Variants in PRSS8 observed in about 807,000 individuals in gnomAD.
PRSS8 encodes serine protease 8.
A neutral mutation model predicts 26.7 loss-of-function variants in PRSS8; 11 were observed. That is an observed-to-expected ratio of 0.41 (90% CI 0.26 to 0.68). The LOEUF (loss-of-function observed/expected upper bound fraction) is 0.68, where lower values mean the gene tolerates loss of function less well. Ranked by LOEUF, PRSS8 falls within the 30% of genes least tolerant of loss-of-function variation. The probability of loss-of-function intolerance (pLI) is 0.30; values close to 1 mark genes in which losing one functional copy is unlikely to be tolerated. For synonymous variants in PRSS8, 183 were observed against 187.0 expected, an observed-to-expected ratio of 0.98 and a Z score of 0.17; for missense variants, 362 against 443.5, an observed-to-expected ratio of 0.82 and a Z score of 1.65.
At chr16:31,135,045 A>G (rs1387308509) in intron 2 of PRSS8, 109 bp downstream of exon 2, 2 of 1,369,668 alleles carry the variant, frequency 1.5e-6, no homozygotes, top group African/African-American at 2.9e-5. Context: ...CCCTAAGAGA[A>G]TCTAGTTGGA....
In PRSS8 at chr16:31,131,885, C is replaced by G. The variant is rs1342267476; in HGVS notation, c.*124G>C. 5.1e-6 allele frequency: 6 copies of G among 1,179,244 alleles called. No homozygotes were observed. Among genetic ancestry groups the G allele is most frequent in the African/African-American group, 1.6e-5 (1 of 64,332 alleles). The allele number at this position is 1,179,244 out of a possible 1,614,324, so 73.0% of individuals were successfully genotyped here. On this transcript the variant is annotated 3_prime_UTR_variant, in exon 6 of 6. Coordinates refer to ENST00000317508, the MANE Select transcript of PRSS8 (RefSeq NM_002773.5). ...GGGCTCAAAGATCAAGATGGGGCCC[C>G]AGCCTCCCGCAGAGTCCTGAAGGAA...
chr16:31,132,422 T>C lies in PRSS8; in HGVS notation c.705+7A>G. The C allele has an allele frequency of 1.2e-6, 2 of 1,613,856 alleles. No individual in the cohort carries two copies. Among genetic ancestry groups the C allele is most frequent in the Non-Finnish European group, 1.7e-6 (2 of 1,179,776 alleles). On this transcript the variant is annotated splice_region_variant and intron_variant, in intron 5 of 5. Coordinates refer to ENST00000317508, the MANE Select transcript of PRSS8 (RefSeq NM_002773.5). This position sits in a 1 kb window ranked among gnomAD's most constrained non-coding sequence, Gnocchi z 5.2. ...ACTGGTCATCTGCCCCCCGGGCCTGTGCTTACCTGGCAGGCGTCCTTGCCC... is the reference window on the plus strand; with the variant it reads ...ACTGGTCATCTGCCCCCCGGGCCTGCGCTTACCTGGCAGGCGTCCTTGCCC...
intron 2 of PRSS8, 44 bp downstream of exon 2, chr16:31,135,110 A>C (rs1289129673): frequency 3.1e-6 from 5 of 1,605,576 alleles, no homozygotes; most frequent in East Asian, 2.2e-5. Context: ...ATCCGATCCA[A>C]GTCACCTCCC....
At position 31,133,408 on chromosome 16, in the gene PRSS8, AG is replaced by A; in HGVS notation, c.104-21del. On this transcript the variant is annotated intron_variant, in intron 2 of 5. Transcript: ENST00000317508. The surrounding 1 kb of genome is among the most constrained non-coding windows in gnomAD (Gnocchi z 4.7). Reference sequence around the variant, plus strand: ...AGGGAGCTGCCCAGGGAGGAAGGGAAGGGGTCAGGTTGTTAGCCTGGCCACT... The same window carrying A: ...AGGGAGCTGCCCAGGGAGGAAGGGAAGGGTCAGGTTGTTAGCCTGGCCACT... 6.2e-7 allele frequency: 1 copy of A among 1,612,934 alleles called. No individual in the cohort carries two copies. The highest frequency in any genetic ancestry group is 1.7e-5 in the Admixed American group (1 of 59,962).
At position 31,131,748 on chromosome 16, in the gene PRSS8, C is replaced by T. The variant is rs892592242; in HGVS notation, c.*261G>A. 6 of 482,632 alleles carry T rather than the reference C, an allele frequency of 1.2e-5. No individual in the cohort carries two copies. Among genetic ancestry groups the T allele is most frequent in the South Asian group, 3.4e-5 (1 of 29,374 alleles). The allele number at this position is 482,632 out of a possible 1,614,324, so 29.9% of individuals were successfully genotyped here. On this transcript the variant is annotated 3_prime_UTR_variant, in exon 6 of 6. Transcript: ENST00000317508. ...GGGTCCCAGGAGCTCCCCAGGAGCT[C>T]GGCCAATGGGCTGGTCCATGGTGGG...
intron 1 of PRSS8, 55 bp from the exon 2 acceptor site, chr16:31,135,226 C>A: frequency 1.2e-6 from 2 of 1,610,736 alleles, no homozygotes; most frequent in East Asian, 2.2e-5. Context: ...GTTCCCTGAC[C>A]CCTTAGTACC....
At chr16:31,135,214 G>C (rs192513655) in intron 1 of PRSS8, 43 bp from the exon 2 acceptor site, 12 of 1,612,096 alleles carry the variant, frequency 7.4e-6, no homozygotes, top group Non-Finnish European at 8.5e-6. Flanking sequence ...GGGAAGACTC[G>C]GGTTCCCTGA....
At position 31,135,424 on chromosome 16, in the gene PRSS8, C is replaced by T; in HGVS notation, c.75G>A (p.Arg25=). Residue 25 remains arginine (R), a synonymous_variant, in exon 1 of 6, where the codon CGG becomes CGA. Coordinates refer to ENST00000317508, the MANE Select transcript of PRSS8 (RefSeq NM_002773.5). ...CACGTCCTCACTTACCTGTCCCCGA[C>T]CGGAGTAATCCAAGATAGAGCAGAA... is the stretch of plus-strand genomic sequence containing the variant. The part of the protein sequence containing the change: ...VAILLYLGLL[R]SGTGAEGAEA... 6.3e-7 allele frequency: 1 copy of T among 1,594,388 alleles called. No homozygotes were observed. The highest frequency in any genetic ancestry group is 2.3e-5 in the East Asian group (1 of 43,660).
Position 31,132,818 on chromosome 16 carries a change from G to A in PRSS8, c.402C>T (p.Asp134=), listed in dbSNP as rs2057587763. 1 of 1,613,840 alleles carries A rather than the reference G, an allele frequency of 6.2e-7. No homozygotes were observed. Among genetic ancestry groups the A allele is most frequent in the Admixed American group, 1.7e-5 (1 of 59,994 alleles). Reference sequence around the variant, plus strand: ...GTCTGCTGAGTTGGAGGAGTGCAATGTCGCCCTGGGAGCCCTCCTGGAGGT... The same window carrying A: ...GTCTGCTGAGTTGGAGGAGTGCAATATCGCCCTGGGAGCCCTCCTGGAGGT... ...PSYLQEGSQG[D]IALLQLSRPI... The change falls in exon 4 of 6, where the codon GAC becomes GAT. Residue 134 remains aspartate, a synonymous_variant. Coordinates refer to ENST00000317508, the MANE Select transcript of PRSS8 (RefSeq NM_002773.5). This position sits in a 1 kb window ranked among gnomAD's most constrained non-coding sequence, Gnocchi z 5.2.
chr16:31,135,058 G>T lies in PRSS8; in HGVS notation c.103+96C>A, dbSNP rs981189705. The T allele has an allele frequency of 2.8e-6, 4 of 1,440,830 alleles. No homozygotes were observed. In the African/African-American group the frequency reaches 4.3e-5, roughly 15 times the overall value. 89.3% of individuals were successfully genotyped at this position (1,440,830 alleles called of 1,614,324 possible). On this transcript the variant is annotated intron_variant, in intron 2 of 5. Transcript: ENST00000317508. ...AGCCCTAAGAGAATCTAGTTGGAAG[G>T]CAGCCCAGCTGAAGGCCAGGCACTG...
chr16:31,132,042 C>A lies in PRSS8; in HGVS notation c.999G>T (p.Leu333=). ...CGCTGAGCCATGGGGAGAGGAGGCC[C>A]AGAGCCAGGCCCAGAGGCAGGAAAA... ...PILFLPLGLA[L]GLLSPWLSEH is the part of the protein sequence containing the mutation. Residue 333 remains leucine (L), a synonymous_variant, in exon 6 of 6, where the codon CTG becomes CTT. Coordinates refer to ENST00000317508, the MANE Select transcript of PRSS8 (RefSeq NM_002773.5). The surrounding 1 kb of genome is among the most constrained non-coding windows in gnomAD (Gnocchi z 5.2). The A allele has an allele frequency of 6.3e-7, 1 of 1,591,838 alleles. No homozygotes were observed. Among genetic ancestry groups the A allele is most frequent in the East Asian group, 2.3e-5 (1 of 43,964 alleles).
chr16:31,135,442 G>C lies in PRSS8; in HGVS notation c.57C>G (p.Leu19=). The C allele has an allele frequency of 2.5e-6, 4 of 1,593,910 alleles. No individual in the cohort carries two copies. The highest frequency in any genetic ancestry group is 2.3e-5 in the South Asian group (2 of 87,802). Residue 19 remains leucine, a synonymous_variant, in exon 1 of 6, where the codon CTC becomes CTG. Coordinates refer to ENST00000317508, the MANE Select transcript of PRSS8 (RefSeq NM_002773.5). ...PGQLGAVAIL[L]YLGLLRSGTG... ...TCCCCGACCGGAGTAATCCAAGATA[G>C]AGCAGAATGGCCACAGCCCCCAGCT...
In PRSS8 at chr16:31,132,751, C is replaced by T. The variant is rs1444376564; in HGVS notation, c.469G>A (p.Ala157Thr). 2 of 1,613,882 alleles carry T rather than the reference C, an allele frequency of 1.2e-6. No individual in the cohort carries two copies. The highest frequency in any genetic ancestry group is 2.7e-5 in the African/African-American group (2 of 74,918). ...CCGTTGGGGAAGGAGGCGTTGGCTG[C>T]AGGGAGGCAGATGGGCCGGATGTAG... ...SRYIRPICLP[A>T]ANASFPNGLH... Residue 157 changes from alanine to threonine, a missense_variant, in exon 4 of 6, where the codon GCA (alanine) becomes ACA (threonine). Ala to Thr is a moderately conservative substitution (Grantham distance 58, BLOSUM62 0). Transcript: ENST00000317508. The surrounding 1 kb of genome is among the most constrained non-coding windows in gnomAD (Gnocchi z 5.2).
chr16:31,135,307 G>A (rs2057600194), intron 1 of PRSS8, 107 bp downstream of exon 1: 1 of 1,578,948 alleles, frequency 6.3e-7, no homozygotes, highest in South Asian at 1.1e-5. Context: ...AAGAGCTAGG[G>A]AGGCCGGGGG....
Position 31,135,606 on chromosome 16 carries a change from G to A in PRSS8, c.-108C>T, listed in dbSNP as rs1225031525. 7.0e-6 allele frequency: 7 copies of A among 1,000,560 alleles called. No homozygotes were observed. Among genetic ancestry groups the A allele is most frequent in the Non-Finnish European group, 8.7e-6 (6 of 689,460 alleles). The allele number at this position is 1,000,560 out of a possible 1,614,324, so 62.0% of individuals were successfully genotyped here. ...TGTTGGCTCAGAGGGAAGGATCCCAGAATCCGGGCTGGAAAGGGGCAGCAA... is the reference window on the plus strand; with the variant it reads ...TGTTGGCTCAGAGGGAAGGATCCCAAAATCCGGGCTGGAAAGGGGCAGCAA... On this transcript the variant is annotated 5_prime_UTR_variant, in exon 1 of 6. Transcript: ENST00000317508.
chr16:31,132,834 TCCTGGA>T lies in PRSS8; in HGVS notation c.380_385del (p.Leu127_Glu129delinsGln), dbSNP rs935339321. The T allele has an allele frequency of 6.2e-6, 10 of 1,613,692 alleles. No homozygotes were observed. The African/African-American group carries it at 1.2e-4, about 19-fold the overall frequency. On this transcript the variant is annotated inframe_deletion, in exon 4 of 6. Transcript: ENST00000317508. This position sits in a 1 kb window ranked among gnomAD's most constrained non-coding sequence, Gnocchi z 5.2. Reference sequence around the variant, plus strand: ...GAGTGCAATGTCGCCCTGGGAGCCCTCCTGGAGGTAGCTGGGGTGGGGGATGATGTC... The same window carrying T: ...GAGTGCAATGTCGCCCTGGGAGCCCTGGTAGCTGGGGTGGGGGATGATGTC...
In PRSS8 at chr16:31,131,689, A is replaced by G. The variant is rs1221903671; in HGVS notation, c.*320T>C. The G allele has an allele frequency of 7.3e-6, 3 of 413,178 alleles. No homozygotes were observed. Among genetic ancestry groups the G allele is most frequent in the African/African-American group, 6.0e-5 (3 of 50,006 alleles). The allele number at this position is 413,178 out of a possible 1,614,324, so 25.6% of individuals were successfully genotyped here. ...GCGGGCCGGGAGCAGTCTTCCAGAAACAGGTGGGAGCCAGGGCTCATTTTC... is the reference window on the plus strand; with the variant it reads ...GCGGGCCGGGAGCAGTCTTCCAGAAGCAGGTGGGAGCCAGGGCTCATTTTC... On this transcript the variant is annotated 3_prime_UTR_variant, in exon 6 of 6. Transcript: ENST00000317508.
In PRSS8 at chr16:31,133,160, C is replaced by T. The variant is rs764067558; in HGVS notation, c.266+66G>A. ...CTCAGACCCAACCCAAGAACCCCAA[C>T]CTCTGACCTGGATTGACCCATTAAC... On this transcript the variant is annotated intron_variant, in intron 3 of 5. Transcript: ENST00000317508. The surrounding 1 kb of genome is among the most constrained non-coding windows in gnomAD (Gnocchi z 4.7). The T allele has an allele frequency of 1.9e-6, 3 of 1,609,366 alleles. No homozygotes were observed. The highest frequency in any genetic ancestry group is 2.2e-5 in the East Asian group (1 of 44,878).
chr16:31,134,888 C>A (rs1203973394), intron 2 of PRSS8: 1 of 519,038 alleles, frequency 1.9e-6, no homozygotes. Context: ...AAGACAAAAA[C>A]CAAACCAAAA....
Sources: gnomAD v4.1 joint callset for allele counts on GRCh38, gnomAD v4.1.1 for gene constraint, Gnocchi (gnomAD v3.1) non-coding constraint, MANE v1.5 for transcripts, NCBI Gene and HGNC (gene_info 2026-07-23, HGNC 2026-07-21) for gene names.